MTERF4: variants seen among roughly 807,000 people sequenced by gnomAD.
MTERF4 encodes mitochondrial transcription termination factor 4.
A neutral mutation model predicts 22.5 loss-of-function variants in MTERF4; 17 were observed. That is an observed-to-expected ratio of 0.75 (90% CI 0.52 to 1.13). The LOEUF (loss-of-function observed/expected upper bound fraction) is 1.13. MTERF4 is among the 50% of genes most tolerant of loss of function. MTERF4 has a pLI of 0.00. For synonymous variants in MTERF4, 165 were observed against 175.3 expected (o/e 0.94, Z 0.47); for missense variants, 420 against 466.8 (o/e 0.90, Z 0.92).
intron 4 of MTERF4, among the ~76,000 whole-genome samples, chr2:241,077,382 A>G (rs2063078316): frequency 6.6e-6 from 1 of 152,210 alleles, no homozygotes. Flanking sequence ...AGGCTCAACA[A>G]TAAAAGTATG....
intron 1 of MTERF4, among the ~76,000 whole-genome samples, chr2:241,100,664 T>C (rs1446951343): frequency 2.0e-5 from 3 of 152,054 alleles, no homozygotes; most frequent in East Asian, 3.9e-4. Context: ...GTTTTGCCCT[T>C]ATGATTTTCT....
chr2:241,055,597 G>T, the MTERF4 span, among the ~76,000 whole-genome samples: 94,343 of 152,088 alleles, frequency 0.62, 30,564 homozygotes, highest in African/African-American at 0.81. Flanking sequence ...GAGTTGAGGA[G>T]GCAGAGAAGT....
chr2:241,065,258 C>T, the MTERF4 span: 3 of 1,606,392 alleles, frequency 1.9e-6, no homozygotes, highest in Non-Finnish European at 2.5e-6. Context: ...TAGCTAACGG[C>T]TGACCAGTCC....
chr2:241,096,060 C>G lies in MTERF4; in HGVS notation c.1084G>C (p.Asp362His), dbSNP rs1559336410. Reference protein sequence around the residue: ...DEDDNDEDDDDEDDDEAEDND... With the variant: ...DEDDNDEDDDHEDDDEAEDND... ...TCCTCCGCCTCGTCGTCGTCCTCAT[C>G]ATCGTCATCCTCATCATTGTCATCC... Residue 362 changes from aspartate to histidine, a missense_variant, in exon 4 of 4, where the codon GAT (aspartate) becomes CAT (histidine). Asp to His is a moderately conservative substitution (Grantham distance 81). Transcript: ENST00000391980. The surrounding 1 kb of genome is among the most constrained non-coding windows in gnomAD (Gnocchi z 5.1). The G allele has an allele frequency of 2.5e-6, 4 of 1,613,612 alleles. No homozygotes were observed. Among genetic ancestry groups the G allele is most frequent in the Admixed American group, 3.3e-5 (2 of 60,004 alleles).
chr2:241,049,260 C>T, the MTERF4 span: 1 of 673,100 alleles, frequency 1.5e-6, no homozygotes, highest in Admixed American at 2.4e-5. Context: ...AGAGCTGGCA[C>T]CTGGGGAAGC....
At chr2:241,068,827 G>C (rs2062579714), downstream of MTERF4, 3 of 964,316 alleles carry the variant, frequency 3.1e-6, no homozygotes, top group Non-Finnish European at 4.7e-6. This position sits in a 1 kb window ranked among gnomAD's most constrained non-coding sequence, Gnocchi z 5.3. Context: ...GTCACCTCCT[G>C]CCTGGGGGAG....
At chr2:241,070,653 C>T (rs2062662600), downstream of MTERF4, among the ~76,000 whole-genome samples, 1 of 152,202 alleles carries the variant, frequency 6.6e-6, no homozygotes, top group Admixed American at 6.5e-5. Context: ...AGCAGAGGCA[C>T]AGGGCAGAAG....
chr2:241,062,905 G>A, the MTERF4 span: 1 of 1,585,492 alleles, frequency 6.3e-7, no homozygotes. Flanking sequence ...TGTGAGCTGG[G>A]TAAGAGGGGC....
the MTERF4 span, among the ~76,000 whole-genome samples, chr2:241,055,482 A>C: frequency 6.6e-6 from 1 of 152,194 alleles, no homozygotes; most frequent in East Asian, 1.9e-4. Context: ...TACTGAAGAG[A>C]TCCATTTGGT....
downstream of MTERF4, chr2:241,070,263 A>T (rs759313827): frequency 6.6e-7 from 1 of 1,504,458 alleles, no homozygotes. Context: ...CACCCTGTTC[A>T]GGACTGACCT....
downstream of MTERF4, among the ~76,000 whole-genome samples, chr2:241,086,245 GTTC>G (rs2063568955): frequency 6.6e-6 from 1 of 152,312 alleles, no homozygotes; most frequent in East Asian, 1.9e-4. Context: ...CTCCTCAGTA[GTTC>G]TTCTTTGCCT....
At chr2:241,070,151 C>T (rs575858132), downstream of MTERF4, 16 of 1,608,690 alleles carry the variant, frequency 9.9e-6, no homozygotes, top group East Asian at 4.5e-5. Flanking sequence ...GTGCAGAGCA[C>T]GGAGCTCGGG....
the MTERF4 span, chr2:241,063,594 T>A: frequency 6.8e-6 from 11 of 1,606,454 alleles, no homozygotes; most frequent in African/African-American, 1.2e-4. Context: ...CAGAGAGGGA[T>A]GAGTGCCGAG....
At chr2:241,065,677 T>C in the MTERF4 span, 2 of 1,217,156 alleles carry the variant, frequency 1.6e-6, no homozygotes. Flanking sequence ...GCAGGGCGGC[T>C]GTCATGCCGT....
rs2064624810 is a variant in MTERF4 at position 241,099,862 on chromosome 2, G to A, written c.54C>T (p.Thr18=). 6.2e-7 allele frequency: 1 copy of A among 1,613,566 alleles called. No homozygotes were observed. The change falls in exon 2 of 4, where the codon ACC becomes ACT. Residue 18 remains threonine, a synonymous_variant. Transcript: ENST00000391980. ...GAGTCTGCCTAGCCATACAGGCCCA[G>A]GTGAGGGGGATCAGGCGGTGCCAAT... is the stretch of plus-strand genomic sequence containing the variant. ...VLDWHRLIPL[T]WACMARQTPH... is the part of the protein sequence containing the mutation.
intron 1 of MTERF4, among the ~76,000 whole-genome samples, chr2:241,101,800 C>T (rs1197649781): frequency 1.3e-5 from 2 of 152,244 alleles, no homozygotes; most frequent in Non-Finnish European, 2.9e-5. Context: ...CGCCTGTAAT[C>T]CCAGCACTTT....
At chr2:241,061,148 G>A in the MTERF4 span, among the ~76,000 whole-genome samples, 2 of 151,726 alleles carry the variant, frequency 1.3e-5, no homozygotes, top group African/African-American at 2.4e-5. Flanking sequence ...ATAGTCTCAA[G>A]ACTACATGAA....
At chr2:241,099,977 T>C (rs1261840520) in intron 1 of MTERF4, 83 bp from the exon 2 acceptor site, 1 of 1,488,056 alleles carries the variant, frequency 6.7e-7, no homozygotes, top group African/African-American at 1.4e-5. Context: ...GCCAGAGTAC[T>C]TACTGCCTTG....
downstream of MTERF4, among the ~76,000 whole-genome samples, chr2:241,071,062 C>T (rs924477927): frequency 2.0e-5 from 3 of 152,158 alleles, no homozygotes; most frequent in African/African-American, 4.8e-5. Context: ...TGTGAGCCGG[C>T]GTCAGAGTGA....
Sources: allele counts gnomAD v4.1 joint callset (sites outside exome capture counted in the v4.1 genomes callset), GRCh38; gene constraint gnomAD v4.1.1; non-coding constraint Gnocchi (gnomAD v3.1); transcripts MANE v1.5; gene names NCBI Gene and HGNC (gene_info 2026-07-23, HGNC 2026-07-21).